SCRIB: variants seen among roughly 807,000 people sequenced by gnomAD.
SCRIB encodes the protein scribble planar cell polarity protein, also known as protein scribble homolog.
SCRIB carries 72 observed loss-of-function variants against 170.0 expected under a neutral mutation model. The ratio of observed to expected loss-of-function variants is 0.42; its 90% CI spans 0.35 to 0.52. The LOEUF (loss-of-function observed/expected upper bound fraction) is 0.52. SCRIB is among the 20% of genes least tolerant of loss of function. The probability of loss-of-function intolerance (pLI) is 0.02; values close to 1 mark genes in which losing one functional copy is unlikely to be tolerated. For synonymous variants in SCRIB, 1,298 were observed against 1,044.3 expected, an observed-to-expected ratio of 1.24 and a Z score of -4.68; for missense variants, 2,475 against 2,338.5, an observed-to-expected ratio of 1.06 and a Z score of -1.20.
In SCRIB at chr8:143,806,490, G is replaced by C; in HGVS notation, c.2269-6C>G. The C allele has an allele frequency of 1.3e-6, 2 of 1,586,468 alleles. No individual in the cohort carries two copies. Among genetic ancestry groups the C allele is most frequent in the Non-Finnish European group, 1.7e-6 (2 of 1,165,522 alleles). ...ACCCGAGAGATGAATATGCCCTAGG[G>C]CACAGACACGAGCTTGGCAGGGGCC... On this transcript the variant is annotated splice_polypyrimidine_tract_variant and splice_region_variant and intron_variant, in intron 17 of 36. Transcript: ENST00000356994.
chr8:143,795,255 G>A lies in SCRIB; in HGVS notation c.3771+22C>T, dbSNP rs782493317. ...CCCCGCTCCAGTGCCCTGATGTGAG[G>A]GGGTGGGGCGACCACACTCACTGCG... On this transcript the variant is annotated intron_variant, in intron 26 of 36. Coordinates refer to ENST00000356994, the MANE Select transcript of SCRIB (RefSeq NM_182706.5). The A allele has an allele frequency of 2.9e-5, 47 of 1,612,218 alleles. No individual in the cohort carries two copies. The South Asian group carries it at 4.5e-4, about 15-fold the overall frequency.
Position 143,810,888 on chromosome 8 carries a change from C to T in SCRIB, c.1273+18G>A, listed in dbSNP as rs6982360. On this transcript the variant is annotated intron_variant, in intron 11 of 36. Coordinates refer to ENST00000356994, the MANE Select transcript of SCRIB (RefSeq NM_182706.5). ...CTGAGAGCCACCCCGCGCTAAGCAC[C>T]GGTTGCCAACAACCTACCGAGGCTG... 3.4e-3 allele frequency: 5,460 copies of T among 1,610,296 alleles called. 168 individuals carry two copies. The African/African-American group carries it at 0.061, about 18-fold the overall frequency.
chr8:143,802,033 T>G (rs781979624), intron 24 of SCRIB, among the ~76,000 whole-genome samples: 51 of 152,270 alleles, frequency 3.3e-4, no homozygotes, highest in Non-Finnish European at 7.3e-5. Context: ...GCTCCCTCTC[T>G]AATAAAAACT....
intron 24 of SCRIB, among the ~76,000 whole-genome samples, chr8:143,797,095 A>G (rs6985119): frequency 0.98 from 149,050 of 152,252 alleles, 73,026 homozygotes; most frequent in Middle Eastern, 1. Flanking sequence ...AGAAAGGGGC[A>G]ACTCCAGGGC....
At chr8:143,798,199 T>C (rs940689538) in intron 24 of SCRIB, among the ~76,000 whole-genome samples, 3 of 151,854 alleles carry the variant, frequency 2.0e-5, no homozygotes, top group African/African-American at 7.3e-5. Context: ...GAGGTTGCAA[T>C]GAGCTGAGAT....
At chr8:143,792,167 C>T in intron 32 of SCRIB, 34 bp from the exon 33 acceptor site, 2 of 1,557,912 alleles carry the variant, frequency 1.3e-6, no homozygotes, top group Admixed American at 1.8e-5. Context: ...TGACTTGGGG[C>T]AGGAGCAGGG....
chr8:143,798,713 G>A lies in SCRIB; in HGVS notation c.3604-3183C>T, dbSNP rs1815049001. On this transcript the variant is annotated intron_variant, in intron 24 of 36. Coordinates refer to ENST00000356994, the MANE Select transcript of SCRIB (RefSeq NM_182706.5). The stretch of plus-strand genomic sequence containing the variant: ...AGTTAAATGTAACAGTACAAACTCA[G>A]GATTTGTTCTCTTTCTGAAAACATC... Among the ~76,000 whole-genome samples, 5 of 152,138 alleles carry A rather than the reference G, an allele frequency of 3.3e-5. No homozygotes were observed. In the South Asian group the frequency reaches 1.0e-3, roughly 32 times the overall value.
At chr8:143,814,818 G>A (rs1012879717) in intron 1 of SCRIB, 13 of 214,144 alleles carry the variant, frequency 6.1e-5, no homozygotes, top group Non-Finnish European at 1.2e-4. Flanking sequence ...CATCAAGAGG[G>A]CTCCCCCACT....
At position 143,804,914 on chromosome 8, in the gene SCRIB, G is replaced by T. The variant is rs782339902; in HGVS notation, c.2751+20C>A. 1 of 1,533,068 alleles carries T rather than the reference G, an allele frequency of 6.5e-7. No individual in the cohort carries two copies. Among genetic ancestry groups the T allele is most frequent in the Non-Finnish European group, 8.7e-7 (1 of 1,145,304 alleles). 95.0% of individuals were successfully genotyped at this position (1,533,068 alleles called of 1,614,324 possible). Reference sequence around the variant, plus strand: ...GGCAGGGGGGATGGGTGGGTGGGGCGGGGCCCCATCCCCACTCACAGAGAG... The same window carrying T: ...GGCAGGGGGGATGGGTGGGTGGGGCTGGGCCCCATCCCCACTCACAGAGAG... On this transcript the variant is annotated intron_variant, in intron 20 of 36. Coordinates refer to ENST00000356994, the MANE Select transcript of SCRIB (RefSeq NM_182706.5).
Position 143,790,966 on chromosome 8 carries a change from A to T in SCRIB, c.*197T>A, listed in dbSNP as rs1350026767. On this transcript the variant is annotated 3_prime_UTR_variant, in exon 37 of 37. Transcript: ENST00000356994. The stretch of plus-strand genomic sequence containing the variant: ...TTATTCTCCTTAAACCACAAAATAG[A>T]GTCTTTGGTTGTACAAACATCACTA... 5 of 479,924 alleles carry T rather than the reference A, an allele frequency of 1.0e-5. No homozygotes were observed. Among genetic ancestry groups the T allele is most frequent in the Non-Finnish European group, 1.7e-5 (5 of 296,402 alleles). The allele number at this position is 479,924 out of a possible 1,614,324, so 29.7% of individuals were successfully genotyped here.
At chr8:143,794,234 G>A in intron 27 of SCRIB, 1 of 475,400 alleles carries the variant, frequency 2.1e-6, no homozygotes, top group South Asian at 3.7e-5. Flanking sequence ...AGACAGGACA[G>A]CCGGAGAAGA....
In SCRIB at chr8:143,808,783, A is replaced by G. The variant is rs111919660; in HGVS notation, c.1941T>C (p.Asn647=). 12,428 of 1,610,992 alleles carry G rather than the reference A, an allele frequency of 7.7e-3. 68 individuals are homozygous for G. Among genetic ancestry groups the G allele is most frequent in the Non-Finnish European group, 9.8e-3 (11,577 of 1,178,520 alleles). Residue 647 remains asparagine (N), a synonymous_variant, in exon 15 of 37, where the codon AAT becomes AAC. Coordinates refer to ENST00000356994, the MANE Select transcript of SCRIB (RefSeq NM_182706.5). ...GAGGAGCCCAGGGTGCGTGGGGGCC[A>G]TTGTGCCAGCCCCCGGGAGCCACAG... ...EGPVAPGGWH[N]GPHAPWAPRA...
At chr8:143,810,414 G>T (rs1815652497) in intron 13 of SCRIB, 65 bp downstream of exon 13, 2 of 1,578,702 alleles carry the variant, frequency 1.3e-6, no homozygotes, top group Non-Finnish European at 1.7e-6. Context: ...CCACTCCCAG[G>T]ATGGACCGGA....
rs778406148 is a variant in SCRIB, at chr8:143,809,545, C to T, written c.1698+6G>A. On this transcript the variant is annotated splice_donor_region_variant and intron_variant, in intron 14 of 36. Transcript: ENST00000356994. Reference sequence around the variant, plus strand: ...AGCCTCCTGCCTCCTTCCTGCCAATCCACACCTCCTGGTAGTCCTCTTCGG... The same window carrying T: ...AGCCTCCTGCCTCCTTCCTGCCAATTCACACCTCCTGGTAGTCCTCTTCGG... 7 of 1,604,766 alleles carry T rather than the reference C, an allele frequency of 4.4e-6. No individual in the cohort carries two copies. The South Asian group carries it at 7.7e-5, about 18-fold the overall frequency.
chr8:143,806,805 C>T (rs1337512607), intron 17 of SCRIB, 119 bp downstream of exon 17: 2 of 783,844 alleles, frequency 2.6e-6, no homozygotes, highest in African/African-American at 3.5e-5. Context: ...TGCCTTGGGC[C>T]CAGCCCGTGT....
At chr8:143,799,923 T>C (rs372634249) in intron 24 of SCRIB, among the ~76,000 whole-genome samples, 3 of 151,842 alleles carry the variant, frequency 2.0e-5, no homozygotes, top group East Asian at 3.9e-4. Context: ...AGAAGAAAGT[T>C]ACAGAACCCA....
chr8:143,812,742 A>G (rs1815799816), intron 8 of SCRIB, 75 bp downstream of exon 8: 1 of 1,535,704 alleles, frequency 6.5e-7, no homozygotes, highest in African/African-American at 1.4e-5. Context: ...CACACCACAC[A>G]CAGCCCCGAC....
In SCRIB at chr8:143,795,175, G is replaced by C. The variant is rs1814887499; in HGVS notation, c.3772-63C>G. 1.9e-6 allele frequency: 3 copies of C among 1,597,798 alleles called. No homozygotes were observed. In the East Asian group the frequency reaches 6.7e-5, roughly 36 times the overall value. ...TCCGTGGCAGCACCCGGCCAGCACAGGGCAGGAGAGGGGGTCCTGGGGGTT... is the reference window on the plus strand; with the variant it reads ...TCCGTGGCAGCACCCGGCCAGCACACGGCAGGAGAGGGGGTCCTGGGGGTT... On this transcript the variant is annotated intron_variant, in intron 26 of 36. Coordinates refer to ENST00000356994, the MANE Select transcript of SCRIB (RefSeq NM_182706.5).
In SCRIB at chr8:143,810,965, C is replaced by A. The variant is rs770812075; in HGVS notation, c.1214G>T (p.Arg405Leu). The change falls in exon 11 of 37, where the codon CGG becomes CTG. Residue 405 changes from arginine (R) to leucine (L), a missense_variant. This residue lies in a region of SCRIB where 487 missense variants were observed against 558.1 expected (regional missense o/e 0.87). Transcript: ENST00000356994. ...MLRFQTEDDA[R>L]TGEKVLTCYL... ...GCAGGTGAGCACCTTCTCGCCGGTC[C>A]GGGCATCATCCTCCGTCTGGAACCG... The A allele has an allele frequency of 3.0e-5, 48 of 1,611,856 alleles. 2 individuals are homozygous for A. The highest frequency in any genetic ancestry group is 3.6e-5 in the Non-Finnish European group (42 of 1,179,634).
Sources: gnomAD v4.1 joint callset for allele counts (sites outside exome capture counted in the v4.1 genomes callset) on GRCh38, gnomAD v4.1.1 for gene constraint, gnomAD v4.1.1 regional missense constraint, MANE v1.5 for transcripts, NCBI Gene and HGNC (gene_info 2026-07-23, HGNC 2026-07-21) for gene names.